Variants in GABRB3 observed in about 807,000 individuals in gnomAD.
GABRB3 encodes the protein gamma-aminobutyric acid receptor subunit beta-3.
A neutral mutation model predicts 52.1 loss-of-function variants in GABRB3; 14 were observed. The observed-to-expected ratio is 0.27, with a 90% CI of 0.18 to 0.42. The LOEUF (loss-of-function observed/expected upper bound fraction) is 0.42. Among genes scored for constraint, GABRB3 ranks in the 10% least tolerant of loss-of-function variants. The pLI, the probability that GABRB3 is intolerant of heterozygous loss-of-function variation, is 1.00. For synonymous variants in GABRB3, 260 were observed against 232.3 expected, an observed-to-expected ratio of 1.12 and a Z score of -1.08; for missense variants, 307 against 609.1, an observed-to-expected ratio of 0.50 and a Z score of 5.22.
At chr15:26,718,827 G>A (rs1041009229) in intron 3 of GABRB3, among the ~76,000 whole-genome samples, 17 of 152,168 alleles carry the variant, frequency 1.1e-4, no homozygotes, top group Middle Eastern at 6.8e-3. Context: ...CTCCCACACT[G>A]CTGAAGTGTG....
chr15:26,734,632 G>T (rs1185850677), intron 3 of GABRB3, among the ~76,000 whole-genome samples: 1 of 119,342 alleles, frequency 8.4e-6, no homozygotes, highest in Non-Finnish European at 1.7e-5. Flanking sequence ...GCAACAGGGT[G>T]AGTCTCAAAA....
At chr15:26,669,688 C>T (rs1455975582) in intron 3 of GABRB3, among the ~76,000 whole-genome samples, 1 of 152,014 alleles carries the variant, frequency 6.6e-6, no homozygotes, top group Non-Finnish European at 1.5e-5. Context: ...AAAAATGTCC[C>T]TTTCTTTGAC....
chr15:26,688,866 TG>T, intron 3 of GABRB3, among the ~76,000 whole-genome samples: 2 of 152,234 alleles, frequency 1.3e-5, no homozygotes, highest in Non-Finnish European at 2.9e-5. Context: ...GCTAAGCTGT[TG>T]ACAGGACTGT....
intron 3 of GABRB3, among the ~76,000 whole-genome samples, chr15:26,642,977 G>A (rs571423038): frequency 2.0e-5 from 3 of 151,836 alleles, no homozygotes; most frequent in Admixed American, 6.6e-5. Flanking sequence ...CTCCTCACAC[G>A]GCCCTCCTCT....
In GABRB3 at chr15:26,554,189, T is replaced by TATATATATATATATATATACAC. The variant is rs1346521870; in HGVS notation, c.1081-6056_1081-6055insGTGTATATATATATATATATAT. 2.6e-4 allele frequency among the ~76,000 whole-genome samples: 7 copies of TATATATATATATATATATACAC among 27,362 alleles called. 2 individuals are homozygous for TATATATATATATATATATACAC. Among genetic ancestry groups the TATATATATATATATATATACAC allele is most frequent in the African/African-American group, 6.8e-4 (4 of 5,914 alleles). The allele number at this position is 27,362 out of a possible 152,430, so 18.0% of individuals were successfully genotyped here. A position where few individuals can be genotyped will look rare whatever the true frequency, so the allele number is the denominator to read the frequency against. ...TATATATATAAAGTATATATATATA[T>TATATATATATATATATATACAC]ACTATATATATATATATATAGTAGA... On this transcript the variant is annotated intron_variant, in intron 8 of 8. Transcript: ENST00000311550.
intron 4 of GABRB3, among the ~76,000 whole-genome samples, chr15:26,611,055 T>C (rs1892050716): frequency 6.6e-6 from 1 of 152,232 alleles, no homozygotes; most frequent in Non-Finnish European, 1.5e-5. Flanking sequence ...TACCCATGTA[T>C]TTAACCTTAA....
intron 4 of GABRB3, among the ~76,000 whole-genome samples, chr15:26,584,514 C>T (rs1355176737): frequency 6.6e-6 from 1 of 152,162 alleles, no homozygotes; most frequent in Non-Finnish European, 1.5e-5. Flanking sequence ...CTTTTCAAAA[C>T]AAATATTTGG....
Position 26,588,234 on chromosome 15 carries a change from A to G in GABRB3, c.462-4820T>C, listed in dbSNP as rs982265896. 8.5e-5 allele frequency among the ~76,000 whole-genome samples: 13 copies of G among 152,322 alleles called. 1 individual carries two copies. In the Middle Eastern group the frequency reaches 0.014, roughly 159 times the overall value. On this transcript the variant is annotated intron_variant, in intron 4 of 8. Coordinates refer to ENST00000311550, the MANE Select transcript of GABRB3 (RefSeq NM_000814.6). ...GAGACAGAGGACTGAGGACTAGAGA[A>G]CTGGACAACGTTACAGGGATGGTGC...
At chr15:26,634,999 T>G (rs1219946822) in intron 3 of GABRB3, among the ~76,000 whole-genome samples, 32 of 5,758 alleles carry the variant, frequency 5.6e-3, no homozygotes, top group South Asian at 0.083. Flanking sequence ...TATATATATA[T>G]ATATATATAT....
intron 4 of GABRB3, among the ~76,000 whole-genome samples, chr15:26,609,472 T>C (rs1266514826): frequency 1.3e-5 from 2 of 152,142 alleles, no homozygotes; most frequent in East Asian, 3.9e-4. Context: ...ACAAATCTAC[T>C]CGATATAAAA....
chr15:26,587,989 T>C (rs1451079374), intron 4 of GABRB3, among the ~76,000 whole-genome samples: 1 of 152,076 alleles, frequency 6.6e-6, no homozygotes, highest in Admixed American at 6.6e-5. Context: ...CTTCAGTAGG[T>C]TCCTTTTTTT....
At chr15:26,735,817 T>C (rs2140155188) in intron 3 of GABRB3, among the ~76,000 whole-genome samples, 1 of 152,060 alleles carries the variant, frequency 6.6e-6, no homozygotes, top group Middle Eastern at 3.4e-3. Context: ...TAGTGGGGGA[T>C]GGTGGCACAT....
intron 4 of GABRB3, among the ~76,000 whole-genome samples, chr15:26,593,330 T>G (rs1250508400): frequency 1.3e-5 from 2 of 152,194 alleles, no homozygotes; most frequent in African/African-American, 4.8e-5. Flanking sequence ...ACACACAATA[T>G]AAAATGTACC....
intron 4 of GABRB3, among the ~76,000 whole-genome samples, chr15:26,583,764 G>C (rs995885052): frequency 1.3e-5 from 2 of 149,468 alleles, no homozygotes; most frequent in Admixed American, 6.7e-5. Context: ...ATTAACAAAT[G>C]TATTGTATCA....
intron 3 of GABRB3, among the ~76,000 whole-genome samples, chr15:26,627,350 A>C (rs944002228): frequency 9.1e-5 from 6 of 65,930 alleles, no homozygotes; most frequent in African/African-American, 2.9e-4. Flanking sequence ...CCATAGATCA[A>C]GGAGAAACTG....
chr15:26,745,060 G>T (rs1423643089), intron 3 of GABRB3, among the ~76,000 whole-genome samples: 1 of 152,104 alleles, frequency 6.6e-6, no homozygotes, highest in Non-Finnish European at 1.5e-5. Context: ...GAGAACAGGA[G>T]CAAGAGAGTG....
chr15:26,746,085 A>G (rs2140165871), intron 3 of GABRB3, among the ~76,000 whole-genome samples: 1 of 152,300 alleles, frequency 6.6e-6, no homozygotes, highest in South Asian at 2.1e-4. Flanking sequence ...GGAGTGATCA[A>G]TCCAGCTTCT....
chr15:26,585,968 A>G (rs2140744598), intron 4 of GABRB3, among the ~76,000 whole-genome samples: 1 of 152,240 alleles, frequency 6.6e-6, no homozygotes, highest in Non-Finnish European at 1.5e-5. Flanking sequence ...TTCACTGACA[A>G]TGTTCAAATT....
At chr15:26,756,305 C>T (rs1356126026) in intron 3 of GABRB3, among the ~76,000 whole-genome samples, 1 of 151,640 alleles carries the variant, frequency 6.6e-6, no homozygotes, top group African/African-American at 2.4e-5. Context: ...CATGGTGGCT[C>T]ACACCTGTAA....
Sources: gnomAD v4.1 joint callset for allele counts (sites outside exome capture counted in the v4.1 genomes callset) on GRCh38, gnomAD v4.1.1 for gene constraint, MANE v1.5 for transcripts, NCBI Gene and HGNC (gene_info 2026-07-23, HGNC 2026-07-21) for gene names.